Variants in RBM25 observed in about 807,000 individuals in gnomAD.
The protein encoded by RBM25 is RNA-binding protein 25.
A neutral mutation model predicts 120.7 loss-of-function variants in RBM25; 19 were observed. That is an observed-to-expected ratio of 0.16 (90% CI 0.11 to 0.23). RBM25 has a LOEUF of 0.23. RBM25 is among the 10% of genes least tolerant of loss of function. The pLI, the probability that RBM25 is intolerant of heterozygous loss-of-function variation, is 1.00. For synonymous variants in RBM25, 390 were observed against 326.7 expected (o/e 1.19, Z -2.09); for missense variants, 605 against 1,041.5 (o/e 0.58, Z 5.77).
At chr14:73,097,676 C>T (rs955629899) in intron 7 of RBM25, among the ~76,000 whole-genome samples, 2 of 152,158 alleles carry the variant, frequency 1.3e-5, no homozygotes, top group Non-Finnish European at 2.9e-5. Flanking sequence ...TGTCTCTGTT[C>T]TAAGCAAGAA....
chr14:73,066,859 C>T (rs566114091), intron 1 of RBM25, among the ~76,000 whole-genome samples: 17 of 152,054 alleles, frequency 1.1e-4, no homozygotes, highest in African/African-American at 3.6e-4. Flanking sequence ...AACAGGTAAA[C>T]GCATACTCAA....
intron 17 of RBM25, 137 bp downstream of exon 17, chr14:73,112,387 T>C (rs541659370): frequency 1.3e-6 from 1 of 798,944 alleles, no homozygotes; most frequent in East Asian, 3.5e-5. Flanking sequence ...TATCTGCTTT[T>C]TTAAAGTTAT....
In RBM25 at chr14:73,067,065, T is replaced by A. The variant is rs935767367; in HGVS notation, c.-15-4562T>A. 3.6e-5 allele frequency among the ~76,000 whole-genome samples: 5 copies of A among 138,954 alleles called. No homozygotes were observed. In the Admixed American group the frequency reaches 3.6e-4, roughly 10 times the overall value. The allele number at this position is 138,954 out of a possible 152,430, so 91.2% of individuals were successfully genotyped here. On this transcript the variant is annotated intron_variant, in intron 1 of 18. Transcript: ENST00000261973. ...TTTGGAGGTAAAGTTTGGATACATA[T>A]AATTTTTTTTTTTTTTTTTTTTGAT...
In RBM25 at chr14:73,087,994, T is replaced by C; in HGVS notation, c.383-7T>C. Reference sequence around the variant, plus strand: ...GTATTTCACTAATTGTTTTCATCCATTGCTAGCCTTCGGATTCTGTGAGTA... The same window carrying C: ...GTATTTCACTAATTGTTTTCATCCACTGCTAGCCTTCGGATTCTGTGAGTA... On this transcript the variant is annotated splice_region_variant and splice_polypyrimidine_tract_variant and intron_variant, in intron 5 of 18. Transcript: ENST00000261973. 1 of 1,607,490 alleles carries C rather than the reference T, an allele frequency of 6.2e-7. No homozygotes were observed. Among genetic ancestry groups the C allele is most frequent in the Non-Finnish European group, 8.5e-7 (1 of 1,178,370 alleles).
intron 18 of RBM25, among the ~76,000 whole-genome samples, chr14:73,117,333 G>A (rs1169758433): frequency 1.4e-5 from 2 of 141,626 alleles, no homozygotes; most frequent in Non-Finnish European, 3.0e-5. Flanking sequence ...TTGGGTTCAA[G>A]CAATTCTCCT....
intron 14 of RBM25, 98 bp downstream of exon 14, chr14:73,109,590 G>A (rs749071547): frequency 8.8e-6 from 10 of 1,141,186 alleles, no homozygotes; most frequent in Admixed American, 7.0e-5. Context: ...TCGGGAGATC[G>A]AGATCATCCT....
intron 6 of RBM25, among the ~76,000 whole-genome samples, chr14:73,094,833 G>C (rs932180026): frequency 0.017 from 2,219 of 134,222 alleles, 46 homozygotes; most frequent in African/African-American, 0.051. Flanking sequence ...GTGTGTGTGT[G>C]TGTGTGTGTC....
Position 73,063,735 on chromosome 14 carries a change from T to TG in RBM25, c.-16+5031dup, listed in dbSNP as rs552735839. Among the ~76,000 whole-genome samples the TG allele has an allele frequency of 5.3e-4, 80 of 151,328 alleles. 6 individuals are homozygous for TG. Among genetic ancestry groups the TG allele is most frequent in the Non-Finnish European group, 1.0e-3 (69 of 67,562 alleles). ...TATATGGATTATTGTACCAGTCTCT[T>TG]GCTTGTATCCTGTTCCCTTCCAGGC... On this transcript the variant is annotated intron_variant, in intron 1 of 18. Coordinates refer to ENST00000261973, the MANE Select transcript of RBM25 (RefSeq NM_021239.3).
Position 73,111,716 on chromosome 14 carries a change from A to C in RBM25, c.2206A>C (p.Lys736Gln). Residue 736 changes from lysine (K) to glutamine (Q), a missense_variant, in exon 16 of 19, where the codon AAA (lysine) becomes CAA (glutamine). Transcript: ENST00000261973. Reference protein sequence around the residue: ...KGTVNTEEKRKHIKSLIEKIP... With the variant: ...KGTVNTEEKRQHIKSLIEKIP... Reference sequence around the variant, plus strand: ...CACTGTAAACACTGAAGAAAAGCGTAAACACATTAAGAGTCTCATTGAGAA... The same window carrying C: ...CACTGTAAACACTGAAGAAAAGCGTCAACACATTAAGAGTCTCATTGAGAA... The C allele has an allele frequency of 6.2e-7, 1 of 1,614,162 alleles. No individual in the cohort carries two copies. Among genetic ancestry groups the C allele is most frequent in the East Asian group, 2.2e-5 (1 of 44,878 alleles).
chr14:73,059,052 C>T (rs945085246), intron 1 of RBM25, among the ~76,000 whole-genome samples: 1 of 152,142 alleles, frequency 6.6e-6, no homozygotes, highest in African/African-American at 2.4e-5. Context: ...TCGATCTGCC[C>T]CAGGGGAGCC....
chr14:73,107,933 G>GT (rs1238811895), intron 13 of RBM25, 34 bp downstream of exon 13: 1 of 1,454,872 alleles, frequency 6.9e-7, no homozygotes, highest in Non-Finnish European at 9.4e-7. Context: ...TTCATACTTG[G>GT]TTTTTTATTA....
rs964921772 is a variant in RBM25 at position 73,122,846 on chromosome 14, A to G, written c.*3041A>G. On this transcript the variant is annotated 3_prime_UTR_variant, in exon 19 of 19. Coordinates refer to ENST00000261973, the MANE Select transcript of RBM25 (RefSeq NM_021239.3). ...AGCTAATGTCATTGCCAACTGATCCAAGACTACATTTTGATTAGCACTTTA... is the reference window on the plus strand; with the variant it reads ...AGCTAATGTCATTGCCAACTGATCCGAGACTACATTTTGATTAGCACTTTA... 2 of 152,240 alleles carry G rather than the reference A, an allele frequency of 1.3e-5. No individual in the cohort carries two copies. Among genetic ancestry groups the G allele is most frequent in the African/African-American group, 4.8e-5 (2 of 41,460 alleles). 9.4% of individuals were successfully genotyped at this position (152,240 alleles called of 1,614,324 possible).
At chr14:73,093,300 C>T (rs1470932395) in intron 6 of RBM25, among the ~76,000 whole-genome samples, 5 of 152,242 alleles carry the variant, frequency 3.3e-5, no homozygotes, top group East Asian at 1.9e-4. Context: ...TTAAAAGGTT[C>T]GTACTTTGGA....
At chr14:73,109,956 C>T (rs1896274118) in intron 14 of RBM25, among the ~76,000 whole-genome samples, 1 of 148,512 alleles carries the variant, frequency 6.7e-6, no homozygotes, top group African/African-American at 2.5e-5. Flanking sequence ...GTCATCTTGG[C>T]TCACTGCAGC....
chr14:73,105,392 G>A (rs1395423528), intron 10 of RBM25, among the ~76,000 whole-genome samples: 1 of 152,140 alleles, frequency 6.6e-6, no homozygotes, highest in East Asian at 1.9e-4. Flanking sequence ...CTTAATCCAT[G>A]CAACATGTCA....
At chr14:73,078,552 C>T (rs1417606482) in intron 4 of RBM25, among the ~76,000 whole-genome samples, 2 of 151,804 alleles carry the variant, frequency 1.3e-5, no homozygotes, top group Non-Finnish European at 2.9e-5. Flanking sequence ...TTTAATTTTC[C>T]CAGTAATGGC....
At chr14:73,100,058 G>C in intron 9 of RBM25, 1 of 462,998 alleles carries the variant, frequency 2.2e-6, no homozygotes, top group East Asian at 3.4e-5. Context: ...GATTCAGGGG[G>C]CAGCAGGATA....
rs1896313714 is a variant in RBM25, at chr14:73,111,748, T to C, written c.2238T>C (p.Pro746=). 4 of 1,613,782 alleles carry C rather than the reference T, an allele frequency of 2.5e-6. No individual in the cohort carries two copies. The highest frequency in any genetic ancestry group is 3.4e-6 in the Non-Finnish European group (4 of 1,179,974). The change falls in exon 16 of 19, where the codon CCT becomes CCC. Residue 746 remains proline (P), a synonymous_variant. Coordinates refer to ENST00000261973, the MANE Select transcript of RBM25 (RefSeq NM_021239.3). Reference sequence around the variant, plus strand: ...TTAAGAGTCTCATTGAGAAAATCCCTACAGCCAAACCTGAGCTCTTCGCTT... The same window carrying C: ...TTAAGAGTCTCATTGAGAAAATCCCCACAGCCAAACCTGAGCTCTTCGCTT... ...KHIKSLIEKI[P]TAKPELFAYP...
chr14:73,103,988 A>ACT (rs1566597550), intron 10 of RBM25, among the ~76,000 whole-genome samples: 53 of 118,402 alleles, frequency 4.5e-4, no homozygotes, highest in African/African-American at 7.2e-4. Flanking sequence ...ACACACACAC[A>ACT]CACACACTCT....
Sources: gnomAD v4.1 joint callset for allele counts (sites outside exome capture counted in the v4.1 genomes callset) on GRCh38, gnomAD v4.1.1 for gene constraint, MANE v1.5 for transcripts, NCBI Gene and HGNC (gene_info 2026-07-23, HGNC 2026-07-21) for gene names.